Variants in NXN observed in about 807,000 individuals in gnomAD.
The protein encoded by NXN is nucleoredoxin 1.
Under a neutral mutation model 48.6 loss-of-function variants are expected in NXN, and 16 were observed. The ratio of observed to expected loss-of-function variants is 0.33; its 90% CI spans 0.22 to 0.50. The LOEUF (loss-of-function observed/expected upper bound fraction) is 0.50, where lower values mean the gene tolerates loss of function less well. NXN is among the 20% of genes least tolerant of loss of function. NXN has a pLI of 0.98. For synonymous variants in NXN, 281 were observed against 269.6 expected (o/e 1.04, Z -0.41); for missense variants, 492 against 605.5 (o/e 0.81, Z 1.97).
At chr17:890,727 C>A (rs1470645561) in intron 1 of NXN, among the ~76,000 whole-genome samples, 1 of 152,038 alleles carries the variant, frequency 6.6e-6, no homozygotes, top group Non-Finnish European at 1.5e-5. Context: ...CTGGTTACAT[C>A]TGGGGTTTTA....
At chr17:806,123 C>T (rs1911491405) in intron 5 of NXN, among the ~76,000 whole-genome samples, 1 of 150,986 alleles carries the variant, frequency 6.6e-6, no homozygotes, top group Admixed American at 6.6e-5. Context: ...CCCCCGCCGT[C>T]TGCACCCCAG....
At chr17:975,092 T>C (rs2069442881) in intron 1 of NXN, among the ~76,000 whole-genome samples, 1 of 152,082 alleles carries the variant, frequency 6.6e-6, no homozygotes, top group African/African-American at 2.4e-5. Flanking sequence ...CCCAAAGTGC[T>C]GAATTACAGG....
chr17:904,312 A>G (rs2068563816), intron 1 of NXN, among the ~76,000 whole-genome samples: 1 of 148,554 alleles, frequency 6.7e-6, no homozygotes, highest in Admixed American at 6.7e-5. Flanking sequence ...TCCGGCTTCC[A>G]TCCGACAGAC....
chr17:841,530 CATGGAGCAT>C (rs1365552843), intron 1 of NXN, among the ~76,000 whole-genome samples: 4 of 131,334 alleles, frequency 3.0e-5, no homozygotes, highest in Non-Finnish European at 5.2e-5. Context: ...TCCCCCCGAC[CATGGAGCAT>C]CTCACGCCGG....
rs942732385 is a variant in NXN at position 830,873 on chromosome 17, A to G, written c.361-4795T>C. On this transcript the variant is annotated intron_variant, in intron 1 of 7. Transcript: ENST00000336868. This position sits in a 1 kb window ranked among gnomAD's most constrained non-coding sequence, Gnocchi z 4.2. Reference sequence around the variant, plus strand: ...AAATTAACCAGGCATGGTGGCAGGCACCTGTAATCCCAGCTACTCAGAGGG... The same window carrying G: ...AAATTAACCAGGCATGGTGGCAGGCGCCTGTAATCCCAGCTACTCAGAGGG... Among the ~76,000 whole-genome samples the G allele has an allele frequency of 6.6e-6, 1 of 151,932 alleles. No homozygotes were observed.
At chr17:905,719 G>T (rs2068575951) in intron 1 of NXN, among the ~76,000 whole-genome samples, 1 of 152,158 alleles carries the variant, frequency 6.6e-6, no homozygotes, top group South Asian at 2.1e-4. Context: ...GCTCACACTT[G>T]TAATCCCAGC....
rs764346023 is a variant in NXN at position 979,652 on chromosome 17, G to C, written c.27C>G (p.Leu9=). ...CGCCGCCCGTCACCAGCTTCTCGCC[G>C]AGCAGCTCCTCCAGGAAGCCCGACA... is the stretch of plus-strand genomic sequence containing the variant. MSGFLEEL[L]GEKLVTGGGE... is the part of the protein sequence containing the mutation. The change falls in exon 1 of 8, where the codon CTC becomes CTG. Residue 9 remains leucine, a synonymous_variant. Coordinates refer to ENST00000336868, the MANE Select transcript of NXN (RefSeq NM_022463.5). 1.4e-6 allele frequency: 2 copies of C among 1,473,012 alleles called. No homozygotes were observed. Among genetic ancestry groups the C allele is most frequent in the Non-Finnish European group, 1.8e-6 (2 of 1,112,132 alleles). 91.2% of individuals were successfully genotyped at this position (1,473,012 alleles called of 1,614,324 possible). A position where few individuals can be genotyped will look rare whatever the true frequency, so the allele number is the denominator to read the frequency against.
chr17:964,946 T>C (rs1567523017), intron 1 of NXN, among the ~76,000 whole-genome samples: 1 of 152,162 alleles, frequency 6.6e-6, no homozygotes, highest in Non-Finnish European at 1.5e-5. Flanking sequence ...TCAGGCTCCA[T>C]TAATGCCCTA....
At chr17:865,937 C>T (rs978417906) in intron 1 of NXN, among the ~76,000 whole-genome samples, 3 of 151,674 alleles carry the variant, frequency 2.0e-5, no homozygotes, top group African/African-American at 7.3e-5. Context: ...GAGCTAAGAT[C>T]GCGGCATTGC....
rs1179808343 is a variant in NXN at position 970,150 on chromosome 17, C to T, written c.360+9169G>A. On this transcript the variant is annotated intron_variant, in intron 1 of 7. Transcript: ENST00000336868. ...TTACGTTTGCTTTTAATCACGGAGG[C>T]CACAGAACAAAACTTTCCATGACGG... 2.0e-5 allele frequency among the ~76,000 whole-genome samples: 3 copies of T among 152,142 alleles called. No homozygotes were observed. The East Asian group carries it at 5.8e-4, about 29-fold the overall frequency.
chr17:806,839 C>T (rs1446340965), intron 5 of NXN, among the ~76,000 whole-genome samples: 2 of 152,144 alleles, frequency 1.3e-5, no homozygotes, highest in African/African-American at 4.8e-5. Flanking sequence ...ACCTATGAGA[C>T]AAAGTGGCTG....
At chr17:916,950 C>T (rs1194430561) in intron 1 of NXN, among the ~76,000 whole-genome samples, 1 of 152,170 alleles carries the variant, frequency 6.6e-6, no homozygotes, top group Non-Finnish European at 1.5e-5. Flanking sequence ...CCACCCTAAC[C>T]TCTTCGTTGT....
Position 855,036 on chromosome 17 carries a change from G to T in NXN, c.361-28958C>A, listed in dbSNP as rs557996683. Reference sequence around the variant, plus strand: ...CACACCTATAACTACAAGCACTTTGGGAGGCCAAGGCGGGAGGGTCAATTG... The same window carrying T: ...CACACCTATAACTACAAGCACTTTGTGAGGCCAAGGCGGGAGGGTCAATTG... On this transcript the variant is annotated intron_variant, in intron 1 of 7. Transcript: ENST00000336868. Among the ~76,000 whole-genome samples, 9 of 152,208 alleles carry T rather than the reference G, an allele frequency of 5.9e-5. No individual in the cohort carries two copies. In the South Asian group the frequency reaches 1.5e-3, roughly 25 times the overall value.
intron 1 of NXN, among the ~76,000 whole-genome samples, chr17:927,687 G>A (rs896062249): frequency 1.1e-4 from 16 of 152,056 alleles, no homozygotes; most frequent in African/African-American, 3.9e-4. Flanking sequence ...GACAGCGATG[G>A]TTTGCGGGAG....
intron 1 of NXN, among the ~76,000 whole-genome samples, chr17:832,159 T>C (rs1459129004): frequency 6.7e-6 from 1 of 149,504 alleles, no homozygotes; most frequent in African/African-American, 2.5e-5. Context: ...CGTAAGCATG[T>C]GCTTTGCTCT....
chr17:895,667 A>C (rs2068473779), intron 1 of NXN, among the ~76,000 whole-genome samples: 1 of 150,576 alleles, frequency 6.6e-6, no homozygotes, highest in African/African-American at 2.5e-5. Flanking sequence ...AAAAAAAAAA[A>C]ATTAGCCAGG....
chr17:855,169 G>A (rs1353363080), intron 1 of NXN, among the ~76,000 whole-genome samples: 3 of 152,120 alleles, frequency 2.0e-5, no homozygotes, highest in Non-Finnish European at 4.4e-5. Context: ...CCAGATAACT[G>A]GGAGGCTGAG....
intron 1 of NXN, chr17:864,226 T>C (rs1236943167): frequency 1.6e-6 from 2 of 1,233,158 alleles, no homozygotes; most frequent in South Asian, 1.5e-5. Context: ...TTCATGGTAC[T>C]TGTCTTCAAC....
chr17:811,102 AAAG>A (rs1435782954), intron 5 of NXN, among the ~76,000 whole-genome samples: 2 of 152,208 alleles, frequency 1.3e-5, no homozygotes, highest in African/African-American at 4.8e-5. Context: ...GAAGAGGAAG[AAAG>A]AAGGAGGCGG....
Sources: allele counts gnomAD v4.1 joint callset (sites outside exome capture counted in the v4.1 genomes callset), GRCh38; gene constraint gnomAD v4.1.1; non-coding constraint Gnocchi (gnomAD v3.1); transcripts MANE v1.5; gene names NCBI Gene and HGNC (gene_info 2026-07-23, HGNC 2026-07-21).